The following TRPM4 variants were observed in gnomAD, a reference collection of about 807,000 sequenced individuals.
TRPM4 encodes the protein calcium-activated non-selective cation channel 1.
A neutral mutation model predicts 135.6 loss-of-function variants in TRPM4; 124 were observed. The observed-to-expected ratio is 0.91, with a 90% confidence interval of 0.79 to 1.06. The LOEUF (loss-of-function observed/expected upper bound fraction) is 1.06, where lower values mean the gene tolerates loss of function less well. Ranked by LOEUF, TRPM4 falls within the 50% of genes least tolerant of loss-of-function variation. The pLI is 0.00. For missense variants in TRPM4, 1,658 were observed against 1,671.4 expected, an observed-to-expected ratio of 0.99 and a Z score of 0.14; for synonymous variants, 745 against 705.6, an observed-to-expected ratio of 1.06 and a Z score of -0.88.
chr19:49,193,174 G>A (rs866764821), intron 16 of TRPM4, among the ~76,000 whole-genome samples: 2 of 147,126 alleles, frequency 1.4e-5, no homozygotes, highest in African/African-American at 5.0e-5. Context: ...TCCTCCTCCC[G>A]GGTTCACACC....
At chr19:49,169,718 C>T (rs367550694) in intron 6 of TRPM4, among the ~76,000 whole-genome samples, 60 of 151,786 alleles carry the variant, frequency 4.0e-4, no homozygotes, top group African/African-American at 1.3e-3. Flanking sequence ...CACCTGGCTC[C>T]GGCTAATTTT....
In TRPM4 at chr19:49,200,695, C is replaced by CAGT. The variant is rs1568489247; in HGVS notation, c.2863_2864insAGT (p.Arg955delinsGlnTrp). On this transcript the variant is annotated protein_altering_variant, in exon 19 of 25. Transcript: ENST00000252826. ...GGCCACGGAGGGGCTCCTGAGGCCACGGGACAGTGACTTCCCAAGTATCCT... is the reference window on the plus strand; with the variant it reads ...GGCCACGGAGGGGCTCCTGAGGCCACAGTGGGACAGTGACTTCCCAAGTATCCT... 11 of 1,613,928 alleles carry CAGT rather than the reference C, an allele frequency of 6.8e-6. No homozygotes were observed. The highest frequency in any genetic ancestry group is 1.3e-5 in the African/African-American group (1 of 74,904).
Position 49,166,081 on chromosome 19 carries a change from C to G in TRPM4, c.133C>G (p.Pro45Ala). The G allele has an allele frequency of 5.0e-6, 8 of 1,602,506 alleles. No homozygotes were observed. The highest frequency in any genetic ancestry group is 6.8e-6 in the Non-Finnish European group (8 of 1,175,824). The part of the protein sequence containing the change: ...CQCGRPRTAH[P>A]AVAMEDAFGA... ...GTGTGGGCGCCCCCGGACCGCCCACCCCGCAGTGGCCATGGAGGATGCCTT... is the reference window on the plus strand; with the variant it reads ...GTGTGGGCGCCCCCGGACCGCCCACGCCGCAGTGGCCATGGAGGATGCCTT... The change falls in exon 3 of 25, where the codon CCC (proline) becomes GCC (alanine). Residue 45 changes from proline (P) to alanine (A), a missense_variant. Around this residue, in one of 3 missense-constraint regions of TRPM4, gnomAD observed 239 missense variants for 240.1 expected, o/e 1.00. Transcript: ENST00000252826.
In TRPM4 at chr19:49,171,594, C is replaced by T. The variant is rs573938815; in HGVS notation, c.875C>T (p.Thr292Ile). 8.1e-6 allele frequency: 13 copies of T among 1,614,046 alleles called. No homozygotes were observed. In the Middle Eastern group the frequency reaches 6.6e-4, roughly 82 times the overall value. Residue 292 changes from threonine to isoleucine, a missense_variant, in exon 8 of 25, where the codon ACC becomes ATC. Physicochemically the swap from Thr to Ile is moderately conservative, Grantham distance 89. Transcript: ENST00000252826. This position sits in a 1 kb window ranked among gnomAD's most constrained non-coding sequence, Gnocchi z 4.7. ...EKMLTRIENATQAQLPCLLVA... is the reference protein window; with the variant it reads ...EKMLTRIENAIQAQLPCLLVA... Reference sequence around the variant, plus strand: ...ATCCTGTAGCGAATAGAGAACGCCACCCAGGCTCAGCTCCCATGTCTCCTC... The same window carrying T: ...ATCCTGTAGCGAATAGAGAACGCCATCCAGGCTCAGCTCCCATGTCTCCTC...
intron 2 of TRPM4, among the ~76,000 whole-genome samples, chr19:49,160,496 AAAAAG>A (rs942178156): frequency 4.6e-5 from 7 of 152,042 alleles, no homozygotes; most frequent in Admixed American, 2.0e-4. Flanking sequence ...AAAAAAAAAA[AAAAAG>A]AAAGAAAGAA....
intron 16 of TRPM4, among the ~76,000 whole-genome samples, chr19:49,193,392 C>T (rs978200451): frequency 2.0e-5 from 3 of 152,094 alleles, no homozygotes; most frequent in Admixed American, 2.0e-4. Context: ...GAAATCAGTT[C>T]GTTTAATTCC....
At chr19:49,199,790 C>T (rs1968845949) in intron 17 of TRPM4, among the ~76,000 whole-genome samples, 1 of 152,098 alleles carries the variant, frequency 6.6e-6, no homozygotes, top group African/African-American at 2.4e-5. Context: ...TGAGCCACCG[C>T]GTCTGTCCAT....
intron 13 of TRPM4, 47 bp from the exon 14 acceptor site, chr19:49,188,899 C>A: frequency 6.2e-7 from 1 of 1,613,758 alleles, no homozygotes; most frequent in Non-Finnish European, 8.5e-7. Flanking sequence ...CACACCCTCA[C>A]CCTACTCCTT....
intron 17 of TRPM4, 64 bp downstream of exon 17, chr19:49,196,938 C>A: frequency 6.8e-7 from 1 of 1,470,730 alleles, no homozygotes; most frequent in Non-Finnish European, 9.1e-7. Flanking sequence ...TGCCCACTCC[C>A]GGGGTCTCCA....
rs537320530 is a variant in TRPM4, at chr19:49,193,851, C to G, written c.2211-2589C>G. 9.0e-4 allele frequency among the ~76,000 whole-genome samples: 137 copies of G among 151,846 alleles called. 1 individual carries two copies. In the South Asian group the frequency reaches 0.028, roughly 31 times the overall value. ...TGTAGCTTTCACTATTCTCCTCCTT[C>G]TCCTCCTCCTTCTCCTCCTTGTCCT... On this transcript the variant is annotated intron_variant, in intron 16 of 24. Transcript: ENST00000252826.
At position 49,211,431 on chromosome 19, in the gene TRPM4, C is replaced by T; in HGVS notation, c.3641-63C>T. The T allele has an allele frequency of 6.2e-7, 1 of 1,612,342 alleles. No homozygotes were observed. The highest frequency in any genetic ancestry group is 1.7e-5 in the Admixed American group (1 of 60,026). On this transcript the variant is annotated intron_variant, in intron 24 of 24. Coordinates refer to ENST00000252826, the MANE Select transcript of TRPM4 (RefSeq NM_017636.4). This position sits in a 1 kb window ranked among gnomAD's most constrained non-coding sequence, Gnocchi z 4.8. ...TCTTTCTTCTTTTTTGCCAGTCTCC[C>T]AGTTTTTCTGTCTCTCCCCTTCCCT...
chr19:49,170,767 C>G (rs1187202504), intron 6 of TRPM4, among the ~76,000 whole-genome samples: 1 of 152,092 alleles, frequency 6.6e-6, no homozygotes, highest in Admixed American at 6.6e-5. Context: ...AAATCTAGCT[C>G]CCTCCTGAAG....
chr19:49,174,571 G>A (rs1967602311), intron 9 of TRPM4, among the ~76,000 whole-genome samples: 1 of 151,892 alleles, frequency 6.6e-6, no homozygotes, highest in African/African-American at 2.4e-5. Flanking sequence ...GACCAGCCTG[G>A]GCAGCATGGT....
At chr19:49,162,732 G>C (rs1967012209) in intron 2 of TRPM4, among the ~76,000 whole-genome samples, 1 of 152,062 alleles carries the variant, frequency 6.6e-6, no homozygotes, top group African/African-American at 2.4e-5. Context: ...GGGGGCTACT[G>C]GGCACTTGGA....
Position 49,192,600 on chromosome 19 carries a change from C to T in TRPM4, c.2210+1827C>T, listed in dbSNP as rs1460944953. 2.6e-5 allele frequency among the ~76,000 whole-genome samples: 4 copies of T among 152,130 alleles called. No homozygotes were observed. The East Asian group carries it at 7.7e-4, about 29-fold the overall frequency. On this transcript the variant is annotated intron_variant, in intron 16 of 24. Coordinates refer to ENST00000252826, the MANE Select transcript of TRPM4 (RefSeq NM_017636.4). ...AACAGAAAACCAAATACCCCATGTT[C>T]TCACTTATAAGTAAGAACTAAATGA...
intron 12 of TRPM4, among the ~76,000 whole-genome samples, chr19:49,183,775 C>CTTT (rs112249914): frequency 8.1e-6 from 1 of 124,196 alleles, no homozygotes; most frequent in Admixed American, 8.4e-5. Flanking sequence ...TTTTCTTTTT[C>CTTT]TTTTTTTTTT....
At position 49,210,876 on chromosome 19, in the gene TRPM4, T is replaced by G. The variant is rs370934929; in HGVS notation, c.3461+34T>G. ...GGGGCCTGGTCGGGGATGGGGCTTCTGGCCTGGGGCGGATCCTGACTTCAG... is the reference window on the plus strand; with the variant it reads ...GGGGCCTGGTCGGGGATGGGGCTTCGGGCCTGGGGCGGATCCTGACTTCAG... On this transcript the variant is annotated intron_variant, in intron 22 of 24. Coordinates refer to ENST00000252826, the MANE Select transcript of TRPM4 (RefSeq NM_017636.4). The surrounding 1 kb of genome is among the most constrained non-coding windows in gnomAD (Gnocchi z 4.1). The G allele has an allele frequency of 2.3e-4, 341 of 1,492,270 alleles. 12 individuals are homozygous for G. The East Asian group carries it at 2.5e-3, about 11-fold the overall frequency. The allele number at this position is 1,492,270 out of a possible 1,614,324, so 92.4% of individuals were successfully genotyped here.
intron 2 of TRPM4, chr19:49,158,510 G>T (rs2041562987): frequency 1.8e-6 from 1 of 546,264 alleles, no homozygotes; most frequent in Admixed American, 3.3e-5. Context: ...TTTCCTCCCC[G>T]ATGTCTCTTC....
rs145847114 is a variant in TRPM4 at position 49,190,772 on chromosome 19, G to A, written c.2209G>A (p.Gly737Arg). Residue 737 changes from glycine to arginine, a missense_variant and splice_region_variant, in exon 16 of 25, where the codon GGG becomes AGG. Physicochemically the swap from Gly to Arg is moderately radical, Grantham distance 125 (BLOSUM62 -2). Coordinates refer to ENST00000252826, the MANE Select transcript of TRPM4 (RefSeq NM_017636.4). ...TGTCATTAATGGGGAAGGGCCTGTC[G>A]GGTGAGTGGAGCCTCCAGCACTGTG... ...DSVINGEGPV[G>R]TADPAEKTPL... The A allele has an allele frequency of 1.9e-3, 3,081 of 1,614,062 alleles. 19 individuals carry two copies. Among genetic ancestry groups the A allele is most frequent in the Middle Eastern group, 7.9e-3 (48 of 6,058 alleles).
Sources: allele counts gnomAD v4.1 joint callset (sites outside exome capture counted in the v4.1 genomes callset), GRCh38; gene constraint gnomAD v4.1.1; regional missense constraint gnomAD v4.1.1; non-coding constraint Gnocchi (gnomAD v3.1); transcripts MANE v1.5; gene names NCBI Gene and HGNC (gene_info 2026-07-23, HGNC 2026-07-21).